Variants in TAB2 observed in about 807,000 individuals in gnomAD.
The protein encoded by TAB2 is TGF-beta activated kinase 1 (MAP3K7) binding protein 2, also known as TGF-beta-activated kinase 1 and MAP3K7-binding protein 2.
In TAB2, 3 loss-of-function variants were observed where a neutral mutation model predicts 65.0. The observed-to-expected ratio is 0.05, with a 90% CI of 0.02 to 0.12. The LOEUF (loss-of-function observed/expected upper bound fraction) is 0.12. TAB2 is among the 10% of genes least tolerant of loss of function. The probability of loss-of-function intolerance (pLI) is 1.00; values close to 1 mark genes in which losing one functional copy is unlikely to be tolerated. For missense variants in TAB2, 623 were observed against 840.3 expected (o/e 0.74, Z 3.20); for synonymous variants, 298 against 285.1 (o/e 1.05, Z -0.46).
chr6:149,408,264 G>T (rs936355664), intron 6 of TAB2, among the ~76,000 whole-genome samples: 1 of 151,936 alleles, frequency 6.6e-6, no homozygotes, highest in East Asian at 1.9e-4. Flanking sequence ...GACTTAATTC[G>T]ATGTTTGTTT....
intron 1 of TAB2, among the ~76,000 whole-genome samples, chr6:149,353,173 A>G (rs1303297843): frequency 2.6e-5 from 4 of 152,064 alleles, no homozygotes; most frequent in Non-Finnish European, 5.9e-5. Flanking sequence ...TCTAAAACTC[A>G]TTATCAGGTT....
intron 1 of TAB2, among the ~76,000 whole-genome samples, chr6:149,249,538 TTCTGTC>T (rs984531599): frequency 3.3e-5 from 5 of 151,128 alleles, no homozygotes; most frequent in South Asian, 2.1e-4. Flanking sequence ...CCCTCTCTCT[TTCTGTC>T]TCTGTCTCTG....
At chr6:149,235,878 G>C (rs12211226) in intron 1 of TAB2, among the ~76,000 whole-genome samples, 1 of 152,148 alleles carries the variant, frequency 6.6e-6, no homozygotes, top group Non-Finnish European at 1.5e-5. Context: ...ACTTCCACAG[G>C]GGGAGGACAC....
intron 1 of TAB2, among the ~76,000 whole-genome samples, chr6:149,231,796 G>T (rs537989123): frequency 6.6e-6 from 1 of 152,312 alleles, no homozygotes; most frequent in African/African-American, 2.4e-5. Context: ...GTAAGAGGAA[G>T]CTCAAACATC....
In TAB2 at chr6:149,339,611, T is replaced by A. The variant is rs866049780; in HGVS notation, c.-90+21596T>A. Among the ~76,000 whole-genome samples the A allele has an allele frequency of 3.7e-4, 52 of 139,414 alleles. 1 individual carries two copies. The highest frequency in any genetic ancestry group is 1.8e-3 in the East Asian group (9 of 4,964). 91.5% of individuals were successfully genotyped at this position (139,414 alleles called of 152,430 possible). ...TTTATTTATTTATTTATTTATTTTTTTTTTTTTTTGAGACGGAGTCTCTGT... is the reference window on the plus strand; with the variant it reads ...TTTATTTATTTATTTATTTATTTTTATTTTTTTTTGAGACGGAGTCTCTGT... On this transcript the variant is annotated intron_variant, in intron 1 of 6. Coordinates refer to ENST00000637181, the MANE Select transcript of TAB2 (RefSeq NM_001292034.3).
At chr6:149,358,359 T>A (rs1780736725) in intron 1 of TAB2, among the ~76,000 whole-genome samples, 1 of 152,210 alleles carries the variant, frequency 6.6e-6, no homozygotes, top group African/African-American at 2.4e-5. Context: ...CTTAAGTACT[T>A]ATGTGAAATT....
At chr6:149,265,798 A>G (rs1325321084) in intron 1 of TAB2, among the ~76,000 whole-genome samples, 1 of 152,158 alleles carries the variant, frequency 6.6e-6, no homozygotes, top group Non-Finnish European at 1.5e-5. Flanking sequence ...TTAGCCTGGA[A>G]TTCAAAGTTT....
intron 3 of TAB2, among the ~76,000 whole-genome samples, chr6:149,383,545 A>G (rs938025885): frequency 3.9e-5 from 6 of 152,164 alleles, no homozygotes; most frequent in Non-Finnish European, 7.3e-5. Flanking sequence ...TCTGTTTACT[A>G]TGGAACTGGT....
intron 1 of TAB2, among the ~76,000 whole-genome samples, chr6:149,275,300 G>GAAGGAAAGAAAGAAAGAAAA (rs1223068467): frequency 7.8e-6 from 1 of 128,302 alleles, no homozygotes; most frequent in East Asian, 2.4e-4. Context: ...AAGAAAGAAA[G>GAAGGAAAGAAAGAAAGAAAA]AGAAAAAAGA....
rs770691939 is a variant in TAB2, at chr6:149,370,116, T to C, written c.102+17T>C. The C allele has an allele frequency of 1.2e-5, 20 of 1,605,028 alleles. No homozygotes were observed. The Admixed American group carries it at 3.3e-4, about 27-fold the overall frequency. On this transcript the variant is annotated intron_variant, in intron 2 of 6. Transcript: ENST00000637181. Reference sequence around the variant, plus strand: ...ATGTTACAGGTCAGTGTTCAATGATTTCTGAATTTGTTAATACAAACCTGG... The same window carrying C: ...ATGTTACAGGTCAGTGTTCAATGATCTCTGAATTTGTTAATACAAACCTGG...
chr6:149,356,975 AT>A (rs35507447), intron 1 of TAB2, among the ~76,000 whole-genome samples: 1 of 152,184 alleles, frequency 6.6e-6, no homozygotes, highest in African/African-American at 2.4e-5. Flanking sequence ...AGCATATCGT[AT>A]TTTTTACAGA....
chr6:149,253,286 T>A (rs1284478648), intron 1 of TAB2, among the ~76,000 whole-genome samples: 1 of 152,226 alleles, frequency 6.6e-6, no homozygotes, highest in Non-Finnish European at 1.5e-5. Flanking sequence ...TGCCAAGATA[T>A]ACTCTCTAAT....
intron 1 of TAB2, among the ~76,000 whole-genome samples, chr6:149,295,155 T>C (rs1385319541): frequency 6.6e-6 from 1 of 152,170 alleles, no homozygotes; most frequent in African/African-American, 2.4e-5. Flanking sequence ...TCTGGAAGAA[T>C]TTGTGAGAGA....
At chr6:149,359,002 A>G (rs1780760518) in intron 1 of TAB2, among the ~76,000 whole-genome samples, 1 of 151,454 alleles carries the variant, frequency 6.6e-6, no homozygotes, top group Non-Finnish European at 1.5e-5. Context: ...TTGCCTTTTC[A>G]CTTTATATCT....
chr6:149,364,148 G>C (rs753170855), intron 1 of TAB2, among the ~76,000 whole-genome samples: 3 of 152,122 alleles, frequency 2.0e-5, no homozygotes, highest in Non-Finnish European at 4.4e-5. Context: ...GTGGTTTTCT[G>C]ACTGGTCTTC....
Position 149,409,623 on chromosome 6 carries a change from T to A in TAB2, c.1986T>A (p.Asp662Glu), listed in dbSNP as rs1189422274. The change falls in exon 7 of 7, where the codon GAT becomes GAA. Residue 662 changes from aspartate (D) to glutamate (E), a missense_variant. Physicochemically the swap from Asp to Glu is conservative, Grantham distance 45. Transcript: ENST00000637181. ...CACCAAAGACTCAAGACACAGAAGA[T>A]GATGAGGGAGCTCAGTGGAATTGTA... ...IKTPKTQDTE[D>E]DEGAQWNCTA... 1 of 1,614,112 alleles carries A rather than the reference T, an allele frequency of 6.2e-7. No individual in the cohort carries two copies. Among genetic ancestry groups the A allele is most frequent in the Non-Finnish European group, 8.5e-7 (1 of 1,179,928 alleles).
At chr6:149,275,298 AAGAG>A (rs55665692) in intron 1 of TAB2, among the ~76,000 whole-genome samples, 2 of 135,316 alleles carry the variant, frequency 1.5e-5, no homozygotes, top group Admixed American at 7.4e-5. Flanking sequence ...GAAAGAAAGA[AAGAG>A]AAAAAAGAAA....
chr6:149,307,460 G>A (rs1225212629), intron 1 of TAB2, among the ~76,000 whole-genome samples: 1 of 152,090 alleles, frequency 6.6e-6, no homozygotes, highest in Non-Finnish European at 1.5e-5. Flanking sequence ...CCCTGCCAAG[G>A]AGCCGATTTC....
intron 1 of TAB2, among the ~76,000 whole-genome samples, chr6:149,262,674 AG>A (rs1416096058): frequency 1.3e-5 from 2 of 152,244 alleles, no homozygotes; most frequent in African/African-American, 4.8e-5. Context: ...GACTTCAAGA[AG>A]CAGCAAATCC....
Sources: gnomAD v4.1 joint callset for allele counts (sites outside exome capture counted in the v4.1 genomes callset) on GRCh38, gnomAD v4.1.1 for gene constraint, MANE v1.5 for transcripts, NCBI Gene and HGNC (gene_info 2026-07-23, HGNC 2026-07-21) for gene names.